NRG1: variants seen among roughly 807,000 people sequenced by gnomAD.
The protein encoded by NRG1 is neuregulin 1.
A neutral mutation model predicts 63.8 loss-of-function variants in NRG1; 18 were observed. The observed-to-expected ratio is 0.28, with a 90% CI of 0.19 to 0.42. The LOEUF is 0.42. NRG1 is among the 10% of genes least tolerant of loss of function. The pLI, the probability that NRG1 is intolerant of heterozygous loss-of-function variation, is 1.00. For synonymous variants in NRG1, 302 were observed against 301.3 expected (o/e 1.00, Z -0.02); for missense variants, 762 against 814.7 (o/e 0.94, Z 0.79).
intron 5 of NRG1, among the ~76,000 whole-genome samples, chr8:32,660,946 C>T (rs1401653104): frequency 6.6e-6 from 1 of 152,138 alleles, no homozygotes; most frequent in Admixed American, 6.6e-5. Context: ...TCCAAGGGAC[C>T]TATTGACACA....
At chr8:31,674,327 A>G (rs1422913387) in intron 1 of NRG1, among the ~76,000 whole-genome samples, 1 of 152,180 alleles carries the variant, frequency 6.6e-6, no homozygotes, top group Non-Finnish European at 1.5e-5. Flanking sequence ...TCAAGGTAGC[A>G]GTTTCACATG....
chr8:32,196,198 A>C (rs1427805577), intron 1 of NRG1, among the ~76,000 whole-genome samples: 2 of 151,674 alleles, frequency 1.3e-5, no homozygotes, highest in African/African-American at 4.8e-5. Flanking sequence ...TTTACTAAAC[A>C]AATGTTTGAG....
At chr8:32,372,567 C>T (rs907826810) in intron 1 of NRG1, among the ~76,000 whole-genome samples, 6 of 152,034 alleles carry the variant, frequency 3.9e-5, no homozygotes, top group South Asian at 4.2e-4. Flanking sequence ...CACAAATTTG[C>T]GGGCGGGATA....
chr8:32,295,374 G>A (rs1047825453), intron 1 of NRG1, among the ~76,000 whole-genome samples: 11 of 152,096 alleles, frequency 7.2e-5, no homozygotes, highest in Admixed American at 7.2e-4. Context: ...ACCCACAGAA[G>A]AGATTCTGAT....
chr8:32,411,812 G>A (rs1173477084), intron 1 of NRG1, among the ~76,000 whole-genome samples: 2 of 152,152 alleles, frequency 1.3e-5, no homozygotes, highest in East Asian at 1.9e-4. Context: ...AGCCTGAAAC[G>A]TGTACATATT....
chr8:31,911,209 C>T (rs1026539745), intron 1 of NRG1, among the ~76,000 whole-genome samples: 27 of 152,150 alleles, frequency 1.8e-4, no homozygotes, highest in Admixed American at 1.6e-3. Flanking sequence ...AGAAGTACCA[C>T]TTGACCCAGC....
In NRG1 at chr8:31,644,099, G is replaced by C. The variant is rs542622585; in HGVS notation, c.37+4668G>C. ...ACCTTATGGTGTTTTGAAAATGAAA[G>C]AAAATGCTGCAGAGATTTTCCAGTC... On this transcript the variant is annotated intron_variant, in intron 1 of 10. Transcript: ENST00000519301. Among the ~76,000 whole-genome samples, 28 of 152,190 alleles carry C rather than the reference G, an allele frequency of 1.8e-4. No homozygotes were observed. The South Asian group carries it at 1.9e-3, about 10-fold the overall frequency.
intron 1 of NRG1, among the ~76,000 whole-genome samples, chr8:32,311,868 C>T (rs1225425992): frequency 6.6e-6 from 1 of 152,186 alleles, no homozygotes; most frequent in Non-Finnish European, 1.5e-5. Flanking sequence ...CAATTCAACA[C>T]GCAGTACTAA....
intron 1 of NRG1, among the ~76,000 whole-genome samples, chr8:32,412,772 C>T (rs1815290247): frequency 6.6e-6 from 1 of 151,864 alleles, no homozygotes; most frequent in Admixed American, 6.6e-5. Flanking sequence ...TGTCTCTAAA[C>T]ATAGAAAAAC....
chr8:31,771,455 A>G (rs1202875259), intron 1 of NRG1, among the ~76,000 whole-genome samples: 3 of 152,146 alleles, frequency 2.0e-5, no homozygotes, highest in African/African-American at 2.4e-5. Flanking sequence ...TCCTAAATAT[A>G]TGAATCTGAA....
intron 1 of NRG1, among the ~76,000 whole-genome samples, chr8:32,457,916 C>CT (rs11332070): frequency 8.3e-4 from 123 of 147,620 alleles, no homozygotes; most frequent in Middle Eastern, 3.4e-3. Context: ...CGTAAAGCAA[C>CT]TTTTTTTTTT....
chr8:31,751,851 A>T (rs1260223862), intron 1 of NRG1, among the ~76,000 whole-genome samples: 1 of 151,978 alleles, frequency 6.6e-6, no homozygotes, highest in Non-Finnish European at 1.5e-5. Flanking sequence ...TCATATAATA[A>T]AATGGATGGG....
intron 1 of NRG1, among the ~76,000 whole-genome samples, chr8:31,680,142 TA>T (rs1280383097): frequency 1.3e-4 from 20 of 152,246 alleles, no homozygotes; most frequent in African/African-American, 4.8e-5. Context: ...TTTTATTTTT[TA>T]TTTTTTTATT....
At chr8:32,186,217 C>A (rs1007607343) in intron 1 of NRG1, among the ~76,000 whole-genome samples, 2 of 152,014 alleles carry the variant, frequency 1.3e-5, no homozygotes, top group East Asian at 3.9e-4. Flanking sequence ...GTAATCCCAA[C>A]ACTTTGGGAG....
At chr8:31,724,818 A>G (rs907213779) in intron 1 of NRG1, among the ~76,000 whole-genome samples, 1 of 152,158 alleles carries the variant, frequency 6.6e-6, no homozygotes, top group African/African-American at 2.4e-5. Context: ...TGAGATGCAT[A>G]CAAAACAACC....
intron 1 of NRG1, among the ~76,000 whole-genome samples, chr8:31,987,296 CA>C (rs573116880): frequency 0.023 from 1,827 of 77,874 alleles, 24 homozygotes; most frequent in African/African-American, 0.055. Flanking sequence ...GAGACTGTCT[CA>C]AAAAAAAAAA....
At chr8:32,504,017 G>A (rs565114974) in intron 1 of NRG1, among the ~76,000 whole-genome samples, 1 of 152,244 alleles carries the variant, frequency 6.6e-6, no homozygotes, top group African/African-American at 2.4e-5. Context: ...GGACGTGTAC[G>A]CATGCCCACT....
chr8:32,763,693 T>C, intron 11 of NRG1, 55 bp from the exon 12 acceptor site: 1 of 1,487,956 alleles, frequency 6.7e-7, no homozygotes, highest in Non-Finnish European at 9.0e-7. Flanking sequence ...TTACCTTCCC[T>C]GCTATGTGCC....
intron 1 of NRG1, among the ~76,000 whole-genome samples, chr8:32,132,521 G>A (rs751321902): frequency 1.1e-4 from 17 of 151,976 alleles, no homozygotes; most frequent in Non-Finnish European, 4.4e-5. Flanking sequence ...CTTGGCCCTC[G>A]ACTAAAGGGG....
Sources: allele counts gnomAD v4.1 joint callset (sites outside exome capture counted in the v4.1 genomes callset), GRCh38; gene constraint gnomAD v4.1.1; transcripts MANE v1.5; gene names NCBI Gene and HGNC (gene_info 2026-07-23, HGNC 2026-07-21).